The following DDX60L variants were observed in gnomAD, a reference collection of about 807,000 sequenced individuals.
DDX60L encodes the protein DExD/H-box 60 like, also known as probable ATP-dependent RNA helicase DDX60-like.
Under a neutral mutation model 211.6 loss-of-function variants are expected in DDX60L, and 191 were observed. The ratio of observed to expected loss-of-function variants is 0.90; its 90% CI spans 0.80 to 1.02. The LOEUF (loss-of-function observed/expected upper bound fraction) is 1.02. DDX60L is among the 50% of genes least tolerant of loss of function. The pLI, the probability that DDX60L is intolerant of heterozygous loss-of-function variation, is 0.00. For synonymous variants in DDX60L, 706 were observed against 694.1 expected (o/e 1.02, Z -0.27); for missense variants, 2,007 against 1,984.1 (o/e 1.01, Z -0.22).
chr4:168,400,764 A>T, intron 26 of DDX60L, 62 bp downstream of exon 26: 1 of 1,381,588 alleles, frequency 7.2e-7, no homozygotes, highest in South Asian at 1.4e-5. Flanking sequence ...CATTTCTGAC[A>T]GTGTCTTGTA....
chr4:168,445,783 T>G (rs1754687962), intron 9 of DDX60L, among the ~76,000 whole-genome samples: 1 of 140,840 alleles, frequency 7.1e-6, no homozygotes, highest in Non-Finnish European at 1.6e-5. Flanking sequence ...AAAAACCACA[T>G]GATTATCTCA....
At chr4:168,390,495 A>C (rs1329518361) in intron 29 of DDX60L, 2 of 1,394,874 alleles carry the variant, frequency 1.4e-6, no homozygotes, top group Non-Finnish European at 1.9e-6. Context: ...GTAAAATCAC[A>C]GTCTTCATAT....
chr4:168,434,200 C>T (rs571477610), intron 10 of DDX60L, among the ~76,000 whole-genome samples: 33 of 152,094 alleles, frequency 2.2e-4, no homozygotes, highest in African/African-American at 8.0e-4. Context: ...TGCATCCTAA[C>T]TCCAGGTATT....
At chr4:168,439,566 G>A (rs1277002001) in intron 10 of DDX60L, among the ~76,000 whole-genome samples, 1 of 152,102 alleles carries the variant, frequency 6.6e-6, no homozygotes, top group East Asian at 1.9e-4. Context: ...TGTGTATCTG[G>A]TAGAAACCTA....
At chr4:168,477,000 T>A (rs1028708645) in intron 1 of DDX60L, among the ~76,000 whole-genome samples, 15 of 152,168 alleles carry the variant, frequency 9.9e-5, no homozygotes, top group Non-Finnish European at 2.1e-4. Context: ...GCCAGGAAAA[T>A]CTGCTTTGAA....
intron 35 of DDX60L, among the ~76,000 whole-genome samples, chr4:168,372,124 A>G (rs1354371613): frequency 2.0e-5 from 3 of 152,150 alleles, no homozygotes; most frequent in African/African-American, 7.2e-5. Flanking sequence ...TTAAGGTAGA[A>G]TTTTCATCGT....
intron 9 of DDX60L, among the ~76,000 whole-genome samples, chr4:168,447,583 A>ATGT (rs1755015595): frequency 6.6e-6 from 1 of 151,570 alleles, no homozygotes; most frequent in Non-Finnish European, 1.5e-5. Flanking sequence ...ATATGCACAC[A>ATGT]TTATTGTGGC....
intron 12 of DDX60L, among the ~76,000 whole-genome samples, chr4:168,432,212 G>A (rs1752454975): frequency 1.3e-5 from 2 of 149,862 alleles, no homozygotes; most frequent in African/African-American, 4.9e-5. Flanking sequence ...GCTTCCTACT[G>A]TGCCTCTTCA....
intron 4 of DDX60L, chr4:168,470,561 A>G (rs961746243): frequency 6.6e-6 from 1 of 152,434 alleles, no homozygotes; most frequent in African/African-American, 2.4e-5. Context: ...AAGAGTTCAT[A>G]CTGTAAAATT....
intron 22 of DDX60L, among the ~76,000 whole-genome samples, chr4:168,409,864 C>A (rs1248244730): frequency 6.6e-6 from 1 of 152,160 alleles, no homozygotes; most frequent in Non-Finnish European, 1.5e-5. Context: ...AGTTAAACAA[C>A]CTCACTAGCC....
Position 168,358,083 on chromosome 4 carries a change from AATT to A in DDX60L, c.*61_*63del. 4.9e-6 allele frequency: 7 copies of A among 1,438,312 alleles called. No individual in the cohort carries two copies. The highest frequency in any genetic ancestry group is 5.8e-6 in the Non-Finnish European group (6 of 1,042,576). The allele number at this position is 1,438,312 out of a possible 1,614,324, so 89.1% of individuals were successfully genotyped here. A position where few individuals can be genotyped will look rare whatever the true frequency, so the allele number is the denominator to read the frequency against. On this transcript the variant is annotated 3_prime_UTR_variant, in exon 38 of 38. Coordinates refer to ENST00000682922, the MANE Select transcript of DDX60L (RefSeq NM_001012967.3). Reference sequence around the variant, plus strand: ...TTTTTCCATTTCATTGTGTAAGCTTAATTATATCTCTCCTTGCAAAGGGATAAA... The same window carrying A: ...TTTTTCCATTTCATTGTGTAAGCTTAATATCTCTCCTTGCAAAGGGATAAA...
intron 6 of DDX60L, among the ~76,000 whole-genome samples, chr4:168,456,760 A>C (rs1756624449): frequency 6.6e-6 from 1 of 152,204 alleles, no homozygotes; most frequent in African/African-American, 2.4e-5. Flanking sequence ...ATATACATCA[A>C]AATGTTCATT....
At position 168,390,638 on chromosome 4, in the gene DDX60L, A is replaced by AG. The variant is rs553203205; in HGVS notation, c.3915+901dup. On this transcript the variant is annotated intron_variant, in intron 29 of 37. Coordinates refer to ENST00000682922, the MANE Select transcript of DDX60L (RefSeq NM_001012967.3). ...TCGAGACTAGGCAAAGATTATTGTCAGTTTTTTTTTTAGCAGTGTATAGAG... is the reference window on the plus strand; with the variant it reads ...TCGAGACTAGGCAAAGATTATTGTCAGGTTTTTTTTTTAGCAGTGTATAGAG... 62 of 489,690 alleles carry AG rather than the reference A, an allele frequency of 1.3e-4. No homozygotes were observed. In the East Asian group the frequency reaches 2.1e-3, roughly 17 times the overall value. 30.3% of individuals were successfully genotyped at this position (489,690 alleles called of 1,614,324 possible). A position where few individuals can be genotyped will look rare whatever the true frequency, so the allele number is the denominator to read the frequency against.
At chr4:168,369,412 T>A (rs1740565063) in intron 36 of DDX60L, among the ~76,000 whole-genome samples, 1 of 151,624 alleles carries the variant, frequency 6.6e-6, no homozygotes, top group African/African-American at 2.4e-5. Flanking sequence ...CCTTTCTTTT[T>A]AAATTGCCCA....
At chr4:168,452,797 T>A (rs1229027617) in intron 8 of DDX60L, among the ~76,000 whole-genome samples, 1 of 152,104 alleles carries the variant, frequency 6.6e-6, no homozygotes, top group Non-Finnish European at 1.5e-5. Flanking sequence ...TACACTTTTA[T>A]TAAAAACAGA....
intron 5 of DDX60L, among the ~76,000 whole-genome samples, chr4:168,458,862 G>A: frequency 6.6e-6 from 1 of 152,038 alleles, no homozygotes; most frequent in East Asian, 1.9e-4. Context: ...TTGTTATAAG[G>A]TATACTAAGT....
intron 36 of DDX60L, among the ~76,000 whole-genome samples, chr4:168,366,462 T>C (rs889981435): frequency 7.2e-5 from 11 of 151,850 alleles, no homozygotes; most frequent in African/African-American, 7.2e-5. Context: ...CTGTAAAACA[T>C]TGATGAAAGA....
chr4:168,458,509 T>G (rs903300022), intron 5 of DDX60L, among the ~76,000 whole-genome samples: 1 of 152,166 alleles, frequency 6.6e-6, no homozygotes, highest in Non-Finnish European at 1.5e-5. Flanking sequence ...CACAGGGACA[T>G]GGATGGAGCT....
intron 28 of DDX60L, among the ~76,000 whole-genome samples, chr4:168,393,186 T>G (rs1173401558): frequency 6.6e-6 from 1 of 152,106 alleles, no homozygotes; most frequent in Admixed American, 6.5e-5. Context: ...TATCTAATAC[T>G]CCTCACTCTT....
Sources: gnomAD v4.1 joint callset for allele counts (sites outside exome capture counted in the v4.1 genomes callset) on GRCh38, gnomAD v4.1.1 for gene constraint, MANE v1.5 for transcripts, NCBI Gene and HGNC (gene_info 2026-07-23, HGNC 2026-07-21) for gene names.